Variants in GRM7 observed in about 807,000 individuals in gnomAD.
GRM7 encodes glutamate metabotropic receptor 7, also known as metabotropic glutamate receptor 7.
A neutral mutation model predicts 84.5 loss-of-function variants in GRM7; 35 were observed. That is an observed-to-expected ratio of 0.41 (90% CI 0.32 to 0.55). The LOEUF is 0.55. Ranked by LOEUF, GRM7 falls within the 20% of genes least tolerant of loss-of-function variation. The pLI is 0.19. For missense variants in GRM7, 1,003 were observed against 1,194.6 expected (o/e 0.84, Z 2.36); for synonymous variants, 487 against 455.1 (o/e 1.07, Z -0.89).
chr3:7,705,947 G>T, intron 9 of GRM7, among the ~76,000 whole-genome samples: 1 of 152,136 alleles, frequency 6.6e-6, no homozygotes, highest in East Asian at 1.9e-4. Context: ...ATTCAGCTTG[G>T]AAATATTTCA....
chr3:7,151,379 C>T lies in GRM7; in HGVS notation c.736+4711C>T, dbSNP rs1694283739. Among the ~76,000 whole-genome samples, 1 of 152,044 alleles carries T rather than the reference C, an allele frequency of 6.6e-6. No individual in the cohort carries two copies. The highest frequency in any genetic ancestry group is 1.5e-5 in the Non-Finnish European group (1 of 68,018). On this transcript the variant is annotated intron_variant, in intron 2 of 9. Transcript: ENST00000357716. This position sits in a 1 kb window ranked among gnomAD's most constrained non-coding sequence, Gnocchi z 4.5. ...CCGAGATTGCACCACTGCACTTTAGCCTGGGAGACAGAGCAAGACTCTGTC... is the reference window on the plus strand; with the variant it reads ...CCGAGATTGCACCACTGCACTTTAGTCTGGGAGACAGAGCAAGACTCTGTC...
In GRM7 at chr3:7,166,581, G is replaced by A. The variant is rs138395712; in HGVS notation, c.736+19913G>A. Among the ~76,000 whole-genome samples the A allele has an allele frequency of 4.2e-3, 647 of 152,272 alleles. 4 individuals are homozygous for A. Among genetic ancestry groups the A allele is most frequent in the African/African-American group, 0.015 (613 of 41,536 alleles). On this transcript the variant is annotated intron_variant, in intron 2 of 9. Coordinates refer to ENST00000357716, the MANE Select transcript of GRM7 (RefSeq NM_000844.4). ...GAACTTCATTCCAAGACAGCCTGAA[G>A]TGTCAGTGACAGACCTGGGACTCTA...
At chr3:7,381,889 G>A (rs1694606436) in intron 4 of GRM7, among the ~76,000 whole-genome samples, 1 of 152,100 alleles carries the variant, frequency 6.6e-6, no homozygotes, top group East Asian at 1.9e-4. Flanking sequence ...AGGGTAAGTG[G>A]CCTTCATGTG....
chr3:7,491,836 A>G (rs368387352), intron 7 of GRM7, among the ~76,000 whole-genome samples: 1 of 152,206 alleles, frequency 6.6e-6, no homozygotes, highest in Non-Finnish European at 1.5e-5. Flanking sequence ...TATATAATAA[A>G]TACCTGAAGG....
chr3:7,724,033 A>G (rs1330299101), intron 9 of GRM7, among the ~76,000 whole-genome samples: 1 of 152,150 alleles, frequency 6.6e-6, no homozygotes, highest in Non-Finnish European at 1.5e-5. Flanking sequence ...AACGAAGACA[A>G]CAGAAAGCAC....
Position 7,103,838 on chromosome 3 carries a change from C to A in GRM7, c.520-42614C>A, listed in dbSNP as rs1186755362. 3.2e-5 allele frequency among the ~76,000 whole-genome samples: 4 copies of A among 125,390 alleles called. 1 individual carries two copies. Among genetic ancestry groups the A allele is most frequent in the Non-Finnish European group, 4.7e-5 (3 of 63,550 alleles). The allele number at this position is 125,390 out of a possible 152,430, so 82.3% of individuals were successfully genotyped here. On this transcript the variant is annotated intron_variant, in intron 1 of 9. Transcript: ENST00000357716. ...TCTTTCTCTCTCTCTCTGTCTCTCT[C>A]TCCCTCTCTCTCTCTCTCTTTCTTT...
At chr3:7,403,888 A>C (rs1162161569) in intron 4 of GRM7, among the ~76,000 whole-genome samples, 3 of 151,832 alleles carry the variant, frequency 2.0e-5, no homozygotes, top group Non-Finnish European at 2.9e-5. Flanking sequence ...CTTGTCTCTC[A>C]TGTTTCTGGT....
intron 5 of GRM7, among the ~76,000 whole-genome samples, chr3:7,421,191 G>C (rs1049347386): frequency 1.3e-5 from 2 of 152,056 alleles, no homozygotes; most frequent in African/African-American, 4.8e-5. Context: ...TTTTGTAAAG[G>C]CATTTAAGAA....
chr3:7,281,396 T>C (rs938112144), intron 2 of GRM7, among the ~76,000 whole-genome samples: 21 of 152,182 alleles, frequency 1.4e-4, no homozygotes, highest in Admixed American at 1.3e-4. Flanking sequence ...AGGGAGATTG[T>C]GCCTAAAATG....
chr3:7,439,581 T>G (rs1403198976), intron 5 of GRM7, among the ~76,000 whole-genome samples: 1 of 152,226 alleles, frequency 6.6e-6, no homozygotes, highest in Non-Finnish European at 1.5e-5. Context: ...CTTCACAGTT[T>G]GTGACAAACA....
chr3:7,648,258 T>A (rs1559462884), intron 8 of GRM7, among the ~76,000 whole-genome samples: 3 of 145,248 alleles, frequency 2.1e-5, no homozygotes, highest in African/African-American at 5.6e-5. Flanking sequence ...GTTTTTTTTT[T>A]ATGTTTTTAA....
At chr3:7,074,274 T>A (rs1175418764) in intron 1 of GRM7, among the ~76,000 whole-genome samples, 2 of 152,060 alleles carry the variant, frequency 1.3e-5, no homozygotes, top group Non-Finnish European at 2.9e-5. Context: ...GTGGTAGAGT[T>A]CAGATTCCAA....
Position 7,680,035 on chromosome 3 carries a change from G to T in GRM7, c.2452-14G>T. On this transcript the variant is annotated splice_polypyrimidine_tract_variant and intron_variant, in intron 8 of 9. Transcript: ENST00000357716. ...TTTTATTTGTAATAGTGCCTTGTGTGTTGTGTCTCCTAGCTCTACATACAA... is the reference window on the plus strand; with the variant it reads ...TTTTATTTGTAATAGTGCCTTGTGTTTTGTGTCTCCTAGCTCTACATACAA... 6.2e-7 allele frequency: 1 copy of T among 1,613,434 alleles called. No individual in the cohort carries two copies. Among genetic ancestry groups the T allele is most frequent in the Non-Finnish European group, 8.5e-7 (1 of 1,179,462 alleles).
intron 9 of GRM7, 90 bp downstream of exon 9, chr3:7,680,385 T>G: frequency 1.5e-6 from 2 of 1,368,876 alleles, no homozygotes; most frequent in Non-Finnish European, 2.1e-6. Flanking sequence ...GGAGAAATAC[T>G]GTGATCGTTC....
At chr3:7,253,677 T>C (rs1365660264) in intron 2 of GRM7, among the ~76,000 whole-genome samples, 1 of 150,566 alleles carries the variant, frequency 6.6e-6, no homozygotes, top group African/African-American at 2.4e-5. Flanking sequence ...AGGTAGGTAC[T>C]ATTTGTTTTC....
At chr3:7,416,262 G>A (rs1040620558) in intron 5 of GRM7, among the ~76,000 whole-genome samples, 2 of 152,038 alleles carry the variant, frequency 1.3e-5, no homozygotes, top group African/African-American at 2.4e-5. Flanking sequence ...ACCATGGAAG[G>A]GTGTTACACA....
At chr3:7,362,692 AAGC>A (rs539518059) in intron 4 of GRM7, among the ~76,000 whole-genome samples, 62 of 152,162 alleles carry the variant, frequency 4.1e-4, no homozygotes, top group African/African-American at 1.4e-3. Flanking sequence ...TGTGTGTAAT[AAGC>A]ATAATAACCT....
chr3:7,515,314 G>A (rs1700337471), intron 7 of GRM7, among the ~76,000 whole-genome samples: 1 of 152,050 alleles, frequency 6.6e-6, no homozygotes, highest in African/African-American at 2.4e-5. Flanking sequence ...TTTGAGGGAG[G>A]AAGGGAGACA....
At chr3:7,240,063 T>C (rs1220551882) in intron 2 of GRM7, among the ~76,000 whole-genome samples, 1 of 146,322 alleles carries the variant, frequency 6.8e-6, no homozygotes, top group Admixed American at 6.9e-5. Context: ...TTTTCCCCTG[T>C]GGAATCCCAT....
Sources: allele counts gnomAD v4.1 joint callset (sites outside exome capture counted in the v4.1 genomes callset), GRCh38; gene constraint gnomAD v4.1.1; non-coding constraint Gnocchi (gnomAD v3.1); transcripts MANE v1.5; gene names NCBI Gene and HGNC (gene_info 2026-07-23, HGNC 2026-07-21).